ZDHHC20: variants seen among roughly 807,000 people sequenced by gnomAD.
ZDHHC20 encodes palmitoyltransferase ZDHHC20.
Under a neutral mutation model 57.8 loss-of-function variants are expected in ZDHHC20, and 43 were observed. The observed-to-expected ratio is 0.74, with a 90% CI of 0.58 to 0.96. The LOEUF is 0.96. Among genes scored for constraint, ZDHHC20 ranks in the 40% least tolerant of loss-of-function variants. The probability of loss-of-function intolerance (pLI) is 0.00; values close to 1 mark genes in which losing one functional copy is unlikely to be tolerated. For missense variants in ZDHHC20, 391 were observed against 441.1 expected (o/e 0.89, Z 1.02); for synonymous variants, 157 against 153.0 (o/e 1.03, Z -0.19).
Position 21,413,737 on chromosome 13 carries a change from T to C in ZDHHC20, c.285A>G (p.Glu95=). Residue 95 remains glutamate (E), a synonymous_variant, in exon 4 of 13, where the codon GAA becomes GAG. Transcript: ENST00000400590. ...YLSNSEKERY[E]KEFSQERQQE... ...GTTGTCTTTCTTGGCTGAATTCTTT[T>C]TCATAACGTTCCTTTTCAGAATTGG... 2 of 1,611,494 alleles carry C rather than the reference T, an allele frequency of 1.2e-6. No individual in the cohort carries two copies. Among genetic ancestry groups the C allele is most frequent in the South Asian group, 1.1e-5 (1 of 90,838 alleles).
At chr13:21,455,589 A>ACCCT (rs1387020912) in intron 1 of ZDHHC20, among the ~76,000 whole-genome samples, 4 of 151,584 alleles carry the variant, frequency 2.6e-5, no homozygotes, top group South Asian at 2.1e-4. Context: ...TACATGCATT[A>ACCCT]CCCTCTTCCT....
chr13:21,441,232 T>C (rs549424011), intron 1 of ZDHHC20, among the ~76,000 whole-genome samples: 16 of 152,350 alleles, frequency 1.1e-4, no homozygotes, highest in Non-Finnish European at 1.9e-4. Flanking sequence ...ACGTAAAGTA[T>C]GAAATGTCTT....
At chr13:21,403,107 A>T (rs1454418960) in intron 4 of ZDHHC20, among the ~76,000 whole-genome samples, 1 of 152,198 alleles carries the variant, frequency 6.6e-6, no homozygotes, top group Non-Finnish European at 1.5e-5. Context: ...GTAGATGCAA[A>T]GCAAATAAAT....
In ZDHHC20 at chr13:21,425,667, C is replaced by A; in HGVS notation, c.130G>T (p.Gly44Ter). ...VVELCVFTIF[G>*]NEENGKTVVY... ...AGTGCCTTACCATTTTCTTCATTTC[C>A]AAAAATAGTAACTAGAATAGAAGAA... The change falls in exon 2 of 13, where the codon GGA (glycine) becomes TGA (stop). Residue 44 changes from glycine to a stop codon, truncating the protein, a stop_gained. Transcript: ENST00000400590. LOFTEE classifies it high-confidence loss of function. 2.6e-6 allele frequency: 3 copies of A among 1,174,740 alleles called. No individual in the cohort carries two copies. Among genetic ancestry groups the A allele is most frequent in the Non-Finnish European group, 3.4e-6 (3 of 871,944 alleles). The allele number at this position is 1,174,740 out of a possible 1,614,324, so 72.8% of individuals were successfully genotyped here.
chr13:21,455,942 C>T (rs1884890277), intron 1 of ZDHHC20, among the ~76,000 whole-genome samples: 1 of 152,114 alleles, frequency 6.6e-6, no homozygotes, highest in South Asian at 2.1e-4. Context: ...GCTTTGGAGC[C>T]AAACCCCTTG....
intron 1 of ZDHHC20, among the ~76,000 whole-genome samples, chr13:21,442,350 G>T (rs1188911279): frequency 6.6e-6 from 1 of 152,054 alleles, no homozygotes; most frequent in African/African-American, 2.4e-5. Flanking sequence ...TGGGCATCTT[G>T]TAGTTTAGTC....
chr13:21,455,665 TGTGTGTGTC>T (rs1884863883), intron 1 of ZDHHC20, among the ~76,000 whole-genome samples: 1 of 141,832 alleles, frequency 7.1e-6, no homozygotes, highest in South Asian at 2.1e-4. Flanking sequence ...TGTGTGTGTG[TGTGTGTGTC>T]TAATTACACA....
Position 21,421,120 on chromosome 13 carries a change from T to C in ZDHHC20, c.190A>G (p.Met64Val). 1 of 1,613,244 alleles carries C rather than the reference T, an allele frequency of 6.2e-7. No homozygotes were observed. Among genetic ancestry groups the C allele is most frequent in the Non-Finnish European group, 8.5e-7 (1 of 1,179,692 alleles). Residue 64 changes from methionine to valine, a missense_variant, in exon 3 of 13, where the codon ATG becomes GTG. This residue lies in a region of ZDHHC20 where 185 missense variants were observed against 188.0 expected (regional missense o/e 0.98). Coordinates refer to ENST00000400590, the MANE Select transcript of ZDHHC20 (RefSeq NM_001330059.2). ...GTCATCCAATAGGACCATACAAACA[T>C]AACAAAGAACAGATGGAAAGCCACA... ...YLVAFHLFFV[M>V]FVWSYWMTIF...
intron 3 of ZDHHC20, among the ~76,000 whole-genome samples, chr13:21,414,635 T>C (rs1879725300): frequency 6.6e-6 from 1 of 150,916 alleles, no homozygotes; most frequent in Admixed American, 6.6e-5. Flanking sequence ...CCTCCCAAAG[T>C]GGTGGGATTA....
rs147803657 is a variant in ZDHHC20, at chr13:21,373,481, T to C, written c.*3215A>G. ...TATGTAAAAAGTTTTAAAAAAATCA[T>C]CCTTACGTATAGATGAAAATAAACT... On this transcript the variant is annotated 3_prime_UTR_variant, in exon 13 of 13. Transcript: ENST00000400590. 2.2e-4 allele frequency: 34 copies of C among 152,362 alleles called. No homozygotes were observed. Among genetic ancestry groups the C allele is most frequent in the African/African-American group, 7.7e-4 (32 of 41,598 alleles). 9.4% of individuals were successfully genotyped at this position (152,362 alleles called of 1,614,324 possible).
At position 21,404,406 on chromosome 13, in the gene ZDHHC20, GT is replaced by G. The variant is rs1310521693; in HGVS notation, c.371-1541del. On this transcript the variant is annotated intron_variant, in intron 4 of 12. Transcript: ENST00000400590. ...TCAAACTCAATTTGTTGAAATTTTG[GT>G]TTTTGACAACCCTAATATGGAAAAA... 6.5e-6 allele frequency: 3 copies of G among 459,368 alleles called. No homozygotes were observed. The East Asian group carries it at 2.0e-4, about 31-fold the overall frequency. 28.5% of individuals were successfully genotyped at this position (459,368 alleles called of 1,614,324 possible). A position where few individuals can be genotyped will look rare whatever the true frequency, so the allele number is the denominator to read the frequency against.
rs1593180139 is a variant in ZDHHC20 at position 21,386,262 on chromosome 13, T to C, written c.854+1246A>G. On this transcript the variant is annotated intron_variant, in intron 9 of 12. Coordinates refer to ENST00000400590, the MANE Select transcript of ZDHHC20 (RefSeq NM_001330059.2). ...GTGAGTGACTGATAACATGTGTAAT[T>C]GGAGTCCTCACAGTAATAGGGGGAA... Among the ~76,000 whole-genome samples the C allele has an allele frequency of 2.0e-5, 3 of 152,312 alleles. No homozygotes were observed. In the South Asian group the frequency reaches 6.2e-4, roughly 32 times the overall value.
intron 6 of ZDHHC20, 147 bp from the exon 7 acceptor site, chr13:21,400,640 G>T: frequency 1.3e-6 from 1 of 743,838 alleles, no homozygotes; most frequent in Non-Finnish European, 2.2e-6. Context: ...TTTGCAGGAT[G>T]AAAAAGTTCT....
At position 21,414,666 on chromosome 13, in the gene ZDHHC20, C is replaced by T. The variant is rs114877226; in HGVS notation, c.250-894G>A. On this transcript the variant is annotated intron_variant, in intron 3 of 12. Coordinates refer to ENST00000400590, the MANE Select transcript of ZDHHC20 (RefSeq NM_001330059.2). ...GATTACAGGCGTGAGCCACCGCGCC[C>T]GGCCTAGGGCTGTTTCTTGTTTTCA... 8.5e-3 allele frequency among the ~76,000 whole-genome samples: 1,286 copies of T among 151,974 alleles called. 16 individuals carry two copies. Among genetic ancestry groups the T allele is most frequent in the African/African-American group, 0.029 (1,210 of 41,490 alleles).
intron 2 of ZDHHC20, among the ~76,000 whole-genome samples, 159 bp from the exon 3 acceptor site, chr13:21,421,323 A>G (rs1410147842): frequency 6.6e-6 from 1 of 152,206 alleles, no homozygotes; most frequent in African/African-American, 2.4e-5. Context: ...TTGCATGAGG[A>G]AACATTACTA....
chr13:21,426,050 T>C (rs1157019512), intron 1 of ZDHHC20, among the ~76,000 whole-genome samples: 1 of 152,244 alleles, frequency 6.6e-6, no homozygotes, highest in African/African-American at 2.4e-5. Context: ...TGTACTCTTA[T>C]CAACCTCTTT....
intron 2 of ZDHHC20, among the ~76,000 whole-genome samples, chr13:21,423,418 G>C (rs1341241378): frequency 6.6e-6 from 1 of 152,140 alleles, no homozygotes; most frequent in African/African-American, 2.4e-5. Context: ...GCTCGTGCCT[G>C]TATTCCCAGC....
intron 1 of ZDHHC20, among the ~76,000 whole-genome samples, chr13:21,429,909 T>C (rs1881717732): frequency 6.6e-6 from 1 of 152,212 alleles, no homozygotes; most frequent in Admixed American, 6.5e-5. Flanking sequence ...TTTTAAAATT[T>C]TGGCTATTGT....
chr13:21,382,854 CACACA>C, intron 10 of ZDHHC20, 61 bp downstream of exon 10: 2 of 1,283,732 alleles, frequency 1.6e-6, no homozygotes, highest in South Asian at 1.3e-5. Flanking sequence ...ATAAGATGTA[CACACA>C]ACACATGTAT....
Sources: gnomAD v4.1 joint callset for allele counts (sites outside exome capture counted in the v4.1 genomes callset) on GRCh38, gnomAD v4.1.1 for gene constraint, gnomAD v4.1.1 regional missense constraint, MANE v1.5 for transcripts, NCBI Gene and HGNC (gene_info 2026-07-23, HGNC 2026-07-21) for gene names.